RHO: variants seen among roughly 807,000 people sequenced by gnomAD.
RHO encodes the protein opsin 2, rod pigment.
A neutral mutation model predicts 31.2 loss-of-function variants in RHO; 21 were observed. That is an observed-to-expected ratio of 0.67 (90% CI 0.48 to 0.97). RHO has a LOEUF of 0.97. RHO is among the 50% of genes least tolerant of loss of function. The probability of loss-of-function intolerance (pLI) is 0.00; values close to 1 mark genes in which losing one functional copy is unlikely to be tolerated. For missense variants in RHO, 414 were observed against 479.5 expected, an observed-to-expected ratio of 0.86 and a Z score of 1.28; for synonymous variants, 211 against 196.6, an observed-to-expected ratio of 1.07 and a Z score of -0.61.
chr3:129,529,691 C>G (rs905024147), intron 1 of RHO, among the ~76,000 whole-genome samples: 1 of 152,242 alleles, frequency 6.6e-6, no homozygotes, highest in Non-Finnish European at 1.5e-5. Context: ...CCTCCAGCCT[C>G]CCTGCCGCGT....
rs1273792671 is a variant in RHO, at chr3:129,530,606, CT to C, written c.362-269del. On this transcript the variant is annotated intron_variant, in intron 1 of 4. Transcript: ENST00000296271. ...GGGTTCCCAGTTCAATCCTGACCCCCTGATCTGATTCGTGTCCCTTATGGGC... is the reference window on the plus strand; with the variant it reads ...GGGTTCCCAGTTCAATCCTGACCCCCGATCTGATTCGTGTCCCTTATGGGC... Among the ~76,000 whole-genome samples, 6 of 151,946 alleles carry C rather than the reference CT, an allele frequency of 3.9e-5. No individual in the cohort carries two copies. In the East Asian group the frequency reaches 1.2e-3, roughly 30 times the overall value.
chr3:129,533,243 G>GT (rs2084798322), intron 4 of RHO, among the ~76,000 whole-genome samples: 2 of 152,210 alleles, frequency 1.3e-5, no homozygotes, highest in South Asian at 2.1e-4. Context: ...TTTTCTAGCT[G>GT]TATGGCCCTG....
chr3:129,528,801 C>A lies in RHO; in HGVS notation c.68C>A (p.Pro23His), dbSNP rs104893768. The A allele has an allele frequency of 6.2e-7, 1 of 1,614,210 alleles. No individual in the cohort carries two copies. The highest frequency in any genetic ancestry group is 8.5e-7 in the Non-Finnish European group (1 of 1,180,036). ...FSNATGVVRSPFEYPQYYLAE... is the reference protein window; with the variant it reads ...FSNATGVVRSHFEYPQYYLAE... ...AATGCGACGGGTGTGGTACGCAGCC[C>A]CTTCGAGTACCCACAGTACTACCTG... Residue 23 changes from proline to histidine, a missense_variant, in exon 1 of 5, where the codon CCC (proline) becomes CAC (histidine). Pro to His is a moderately conservative substitution (Grantham distance 77). Coordinates refer to ENST00000296271, the MANE Select transcript of RHO (RefSeq NM_000539.3).
At position 129,532,590 on chromosome 3, in the gene RHO, C is replaced by T. The variant is rs752805805; in HGVS notation, c.754C>T (p.Arg252Cys). The T allele has an allele frequency of 5.6e-6, 9 of 1,614,084 alleles. No homozygotes were observed. Among genetic ancestry groups the T allele is most frequent in the Middle Eastern group, 3.3e-4 (2 of 6,084 alleles). ...ACAGAAGGCAGAGAAGGAGGTCACC[C>T]GCATGGTCATCATCATGGTCATCGC... ...TTQKAEKEVT[R>C]MVIIMVIAFL... is the part of the protein sequence containing the mutation. The change falls in exon 4 of 5, where the codon CGC becomes TGC. Residue 252 changes from arginine (R) to cysteine (C), a missense_variant. Arg to Cys is a radical substitution (Grantham distance 180). Coordinates refer to ENST00000296271, the MANE Select transcript of RHO (RefSeq NM_000539.3). This position sits in a 1 kb window ranked among gnomAD's most constrained non-coding sequence, Gnocchi z 5.5.
At chr3:129,531,160 C>G in intron 2 of RHO, 116 bp downstream of exon 2, 1 of 1,199,434 alleles carries the variant, frequency 8.3e-7, no homozygotes, top group African/African-American at 1.5e-5. Flanking sequence ...GTCTCCTGGC[C>G]CAAATGCCCA....
In RHO at chr3:129,529,103, CG is replaced by C. The variant is rs376995477; in HGVS notation, c.361+12del. 534 of 1,609,976 alleles carry C rather than the reference CG, an allele frequency of 3.3e-4. 2 individuals carry two copies. The African/African-American group carries it at 5.7e-3, about 17-fold the overall frequency. ...CTTTGCCACCCTGGGCGGTATGAGC[CG>C]GGTGTGGGTGGGGTGTGCAGGAGCC... On this transcript the variant is annotated intron_variant, in intron 1 of 4. Transcript: ENST00000296271.
chr3:129,529,075 C>T lies in RHO; in HGVS notation c.342C>T (p.Gly114=), dbSNP rs1447750550. 4 of 1,613,122 alleles carry T rather than the reference C, an allele frequency of 2.5e-6. No individual in the cohort carries two copies. The East Asian group carries it at 6.7e-5, about 27-fold the overall frequency. ...GGCCCACAGGATGCAATTTGGAGGG[C>T]TTCTTTGCCACCCTGGGCGGTATGA... ...VFGPTGCNLE[G]FFATLGGEIA... The change falls in exon 1 of 5, where the codon GGC becomes GGT. Residue 114 remains glycine, a synonymous_variant. Coordinates refer to ENST00000296271, the MANE Select transcript of RHO (RefSeq NM_000539.3).
Position 129,532,595 on chromosome 3 carries a change from GGT to G in RHO, c.760_761del (p.Val254HisfsTer76), listed in dbSNP as rs1560047046. 1 of 1,614,190 alleles carries G rather than the reference GGT, an allele frequency of 6.2e-7. No individual in the cohort carries two copies. ...QKAEKEVTRM[V>X]IIMVIAFLIC... is the part of the protein sequence containing the mutation. The stretch of plus-strand genomic sequence containing the variant: ...AGGCAGAGAAGGAGGTCACCCGCAT[GGT>G]CATCATCATGGTCATCGCTTTCCTG... On this transcript the variant is annotated frameshift_variant, in exon 4 of 5. Transcript: ENST00000296271. LOFTEE classifies it high-confidence loss of function. The surrounding 1 kb of genome is among the most constrained non-coding windows in gnomAD (Gnocchi z 5.5).
In RHO at chr3:129,532,633, T is replaced by G. The variant is rs1375981120; in HGVS notation, c.797T>G (p.Val266Gly). Reference sequence around the variant, plus strand: ...GTCATCGCTTTCCTGATCTGCTGGGTGCCCTACGCCAGCGTGGCATTCTAC... The same window carrying G: ...GTCATCGCTTTCCTGATCTGCTGGGGGCCCTACGCCAGCGTGGCATTCTAC... ...IMVIAFLICW[V>G]PYASVAFYIF... The change falls in exon 4 of 5, where the codon GTG becomes GGG. Residue 266 changes from valine (V) to glycine (G), a missense_variant. By Grantham distance (109) the Val-to-Gly change is moderately radical (BLOSUM62 -3). Coordinates refer to ENST00000296271, the MANE Select transcript of RHO (RefSeq NM_000539.3). The surrounding 1 kb of genome is among the most constrained non-coding windows in gnomAD (Gnocchi z 5.5). The G allele has an allele frequency of 6.2e-7, 1 of 1,614,210 alleles. No homozygotes were observed. The highest frequency in any genetic ancestry group is 2.2e-5 in the East Asian group (1 of 44,878).
At chr3:129,530,567 C>CACACACACACACACACACACACACAA (rs1257173881) in intron 1 of RHO, among the ~76,000 whole-genome samples, 1 of 150,968 alleles carries the variant, frequency 6.6e-6, no homozygotes, top group African/African-American at 2.4e-5. Context: ...CACACACACA[C>CACACACACACACACACACACACACAA]AAAACTCCCT....
In RHO at chr3:129,530,876, G is replaced by T. The variant is rs2084774644; in HGVS notation, c.362G>T (p.Gly121Val). The change falls in exon 2 of 5, where the codon GGT (glycine) becomes GTT (valine). Residue 121 changes from glycine to valine, a missense_variant and splice_region_variant. Coordinates refer to ENST00000296271, the MANE Select transcript of RHO (RefSeq NM_000539.3). The stretch of plus-strand genomic sequence containing the variant: ...TGACCGCCTGCTGACTGCCTTGCAG[G>T]TGAAATTGCCCTGTGGTCCTTGGTG... ...NLEGFFATLG[G>V]EIALWSLVVL... 6.2e-7 allele frequency: 1 copy of T among 1,614,272 alleles called. No homozygotes were observed.
chr3:129,528,970 A>C lies in RHO; in HGVS notation c.237A>C (p.Leu79=), dbSNP rs2108749273. 1 of 1,614,190 alleles carries C rather than the reference A, an allele frequency of 6.2e-7. No homozygotes were observed. Among genetic ancestry groups the C allele is most frequent in the Non-Finnish European group, 8.5e-7 (1 of 1,180,040 alleles). Residue 79 remains leucine, a synonymous_variant, in exon 1 of 5, where the codon CTA becomes CTC. Coordinates refer to ENST00000296271, the MANE Select transcript of RHO (RefSeq NM_000539.3). ...RTPLNYILLN[L]AVADLFMVLG... ...CTCTCAACTACATCCTGCTCAACCT[A>C]GCCGTGGCTGACCTCTTCATGGTCC...
chr3:129,533,165 G>A (rs1035450700), intron 4 of RHO, among the ~76,000 whole-genome samples: 39 of 152,040 alleles, frequency 2.6e-4, no homozygotes, highest in African/African-American at 8.0e-4. Context: ...AGGGGTAAAG[G>A]GTTCCTCGGA....
chr3:129,529,044 T>C lies in RHO; in HGVS notation c.311T>C (p.Val104Ala). The C allele has an allele frequency of 6.2e-7, 1 of 1,613,438 alleles. No homozygotes were observed. The highest frequency in any genetic ancestry group is 8.5e-7 in the Non-Finnish European group (1 of 1,179,382). Reference sequence around the variant, plus strand: ...TACACCTCTCTGCATGGATACTTCGTCTTCGGGCCCACAGGATGCAATTTG... The same window carrying C: ...TACACCTCTCTGCATGGATACTTCGCCTTCGGGCCCACAGGATGCAATTTG... ...TLYTSLHGYF[V>A]FGPTGCNLEG... is the part of the protein sequence containing the mutation. The change falls in exon 1 of 5, where the codon GTC becomes GCC. Residue 104 changes from valine (V) to alanine (A), a missense_variant. Val to Ala is a moderately conservative substitution (Grantham distance 64). Coordinates refer to ENST00000296271, the MANE Select transcript of RHO (RefSeq NM_000539.3).
chr3:129,530,533 A>ACACAACACACACACACACAC (rs1553781099), intron 1 of RHO, among the ~76,000 whole-genome samples: 2 of 122,898 alleles, frequency 1.6e-5, no homozygotes, highest in African/African-American at 8.2e-5. Flanking sequence ...ACACACACAC[A>ACACAACACACACACACACAC]ACACACACAC....
In RHO at chr3:129,529,111, G is replaced by C; in HGVS notation, c.361+17G>C. 6.2e-7 allele frequency: 1 copy of C among 1,608,120 alleles called. No homozygotes were observed. The highest frequency in any genetic ancestry group is 8.5e-7 in the Non-Finnish European group (1 of 1,177,264). Reference sequence around the variant, plus strand: ...CCCTGGGCGGTATGAGCCGGGTGTGGGTGGGGTGTGCAGGAGCCCGGGAGC... The same window carrying C: ...CCCTGGGCGGTATGAGCCGGGTGTGCGTGGGGTGTGCAGGAGCCCGGGAGC... On this transcript the variant is annotated intron_variant, in intron 1 of 4. Coordinates refer to ENST00000296271, the MANE Select transcript of RHO (RefSeq NM_000539.3).
chr3:129,531,161 C>A, intron 2 of RHO, 117 bp downstream of exon 2: 2 of 1,176,106 alleles, frequency 1.7e-6, no homozygotes, highest in Non-Finnish European at 2.5e-6. Context: ...TCTCCTGGCC[C>A]AAATGCCCAC....
At chr3:129,530,356 T>C (rs1230611312) in intron 1 of RHO, among the ~76,000 whole-genome samples, 1 of 152,126 alleles carries the variant, frequency 6.6e-6, no homozygotes, top group Non-Finnish European at 1.5e-5. Context: ...CATTGCTTCA[T>C]GGCTCCTAGG....
chr3:129,529,190 T>G, intron 1 of RHO, 96 bp downstream of exon 1: 1 of 1,425,284 alleles, frequency 7.0e-7, no homozygotes, highest in South Asian at 1.3e-5. Context: ...AGAGGCCTTC[T>G]CCCTTCTCCT....
Sources: allele counts gnomAD v4.1 joint callset (sites outside exome capture counted in the v4.1 genomes callset), GRCh38; gene constraint gnomAD v4.1.1; non-coding constraint Gnocchi (gnomAD v3.1); transcripts MANE v1.5; gene names NCBI Gene and HGNC (gene_info 2026-07-23, HGNC 2026-07-21).